The following GRIK3 variants were observed in gnomAD, a reference collection of about 807,000 sequenced individuals.
GRIK3 encodes glutamate ionotropic receptor kainate type subunit 3.
In GRIK3, 29 loss-of-function variants were observed where a neutral mutation model predicts 102.5. The observed-to-expected ratio is 0.28, with a 90% CI of 0.21 to 0.39. The LOEUF (loss-of-function observed/expected upper bound fraction) is 0.39, where lower values mean the gene tolerates loss of function less well. Among genes scored for constraint, GRIK3 ranks in the 10% least tolerant of loss-of-function variants. The probability of loss-of-function intolerance (pLI) is 1.00; values close to 1 mark genes in which losing one functional copy is unlikely to be tolerated. For missense variants in GRIK3, 908 were observed against 1,252.4 expected, an observed-to-expected ratio of 0.73 and a Z score of 4.15; for synonymous variants, 511 against 504.9, an observed-to-expected ratio of 1.01 and a Z score of -0.16.
intron 1 of GRIK3, among the ~76,000 whole-genome samples, chr1:36,895,187 T>C (rs1296804204): frequency 6.6e-6 from 1 of 152,130 alleles, no homozygotes; most frequent in Non-Finnish European, 1.5e-5. Context: ...GGCCTTATTT[T>C]CAGCAGTTAC....
At chr1:36,842,337 A>T (rs1238562411) in intron 9 of GRIK3, among the ~76,000 whole-genome samples, 3 of 152,288 alleles carry the variant, frequency 2.0e-5, no homozygotes, top group Non-Finnish European at 4.4e-5. Context: ...TTAGAAATGC[A>T]CATTCTCAGG....
chr1:36,810,823 T>C (rs1415855888), intron 13 of GRIK3, among the ~76,000 whole-genome samples: 2 of 152,254 alleles, frequency 1.3e-5, no homozygotes, highest in Non-Finnish European at 2.9e-5. Flanking sequence ...TTGGAGTCCA[T>C]GGCCTCTGCC....
chr1:36,997,631 G>C (rs1312206441), intron 1 of GRIK3, among the ~76,000 whole-genome samples: 1 of 152,204 alleles, frequency 6.6e-6, no homozygotes, highest in Non-Finnish European at 1.5e-5. Flanking sequence ...GCCAGCTTCT[G>C]GGGAAAGTGA....
chr1:37,033,973 C>A, intron 1 of GRIK3, 21 bp downstream of exon 1: 1 of 1,462,588 alleles, frequency 6.8e-7, no homozygotes, highest in Non-Finnish European at 9.4e-7. Flanking sequence ...ACGGAGACCC[C>A]CGGCTCCAGG....
chr1:36,999,407 G>A (rs922499973), intron 1 of GRIK3, among the ~76,000 whole-genome samples: 3 of 152,086 alleles, frequency 2.0e-5, no homozygotes, highest in Non-Finnish European at 4.4e-5. Flanking sequence ...TGAGCACCAG[G>A]GCAGGTAGAC....
intron 13 of GRIK3, among the ~76,000 whole-genome samples, chr1:36,816,388 A>G (rs987885449): frequency 1.3e-5 from 2 of 152,176 alleles, no homozygotes; most frequent in Non-Finnish European, 2.9e-5. Flanking sequence ...TCTGGTTCTC[A>G]GGGCCAGCCA....
At chr1:36,991,565 G>A (rs1027210972) in intron 1 of GRIK3, among the ~76,000 whole-genome samples, 2 of 152,196 alleles carry the variant, frequency 1.3e-5, no homozygotes, top group Admixed American at 6.5e-5. Context: ...GCTCGGGTGT[G>A]AAAAGCAACG....
intron 1 of GRIK3, among the ~76,000 whole-genome samples, chr1:37,018,397 G>C (rs968285057): frequency 4.6e-5 from 7 of 152,114 alleles, no homozygotes; most frequent in Non-Finnish European, 1.0e-4. Flanking sequence ...ATTCTACTGG[G>C]ACCTTTAACA....
In GRIK3 at chr1:36,798,765, C is replaced by T. The variant is rs901812648; in HGVS notation, c.*3086G>A. On this transcript the variant is annotated 3_prime_UTR_variant, in exon 16 of 16. Coordinates refer to ENST00000373091, the MANE Select transcript of GRIK3 (RefSeq NM_000831.4). ...CACCGACAACACCTGAACATCAGGACGCAAGGTTTGCCTGGGAGAGGAGAT... is the reference window on the plus strand; with the variant it reads ...CACCGACAACACCTGAACATCAGGATGCAAGGTTTGCCTGGGAGAGGAGAT... 5.3e-5 allele frequency: 8 copies of T among 152,350 alleles called. No individual in the cohort carries two copies. Among genetic ancestry groups the T allele is most frequent in the East Asian group, 1.9e-4 (1 of 5,188 alleles). The allele number at this position is 152,350 out of a possible 1,614,324, so 9.4% of individuals were successfully genotyped here.
At chr1:36,891,238 A>C (rs1255979427) in intron 1 of GRIK3, 142 bp from the exon 2 acceptor site, 1 of 603,828 alleles carries the variant, frequency 1.7e-6, no homozygotes, top group African/African-American at 1.8e-5. Context: ...CATACCTAGA[A>C]AGTGTGCAGG....
At chr1:36,835,675 AG>A (rs762159224) in intron 10 of GRIK3, among the ~76,000 whole-genome samples, 13 of 152,204 alleles carry the variant, frequency 8.5e-5, no homozygotes, top group Non-Finnish European at 1.6e-4. Flanking sequence ...CAATTGATGA[AG>A]GAAGGAATGA....
chr1:36,943,534 G>C (rs77070078), intron 1 of GRIK3, among the ~76,000 whole-genome samples: 2 of 152,314 alleles, frequency 1.3e-5, no homozygotes, highest in African/African-American at 4.8e-5. Context: ...GACCCTGAGA[G>C]CAATGTCTCC....
intron 10 of GRIK3, among the ~76,000 whole-genome samples, chr1:36,833,536 T>C (rs752151619): frequency 2.8e-4 from 42 of 152,326 alleles, no homozygotes; most frequent in South Asian, 4.1e-4. Flanking sequence ...GCTCCCAGCA[T>C]GTCCAGCTCC....
chr1:36,958,510 C>T (rs558039048), intron 1 of GRIK3, among the ~76,000 whole-genome samples: 1 of 148,636 alleles, frequency 6.7e-6, no homozygotes, highest in African/African-American at 2.5e-5. Flanking sequence ...CTCCATGAGT[C>T]TGTGCCCCAT....
intron 1 of GRIK3, among the ~76,000 whole-genome samples, chr1:36,979,065 G>A (rs1642222519): frequency 1.3e-5 from 2 of 152,248 alleles, no homozygotes; most frequent in Non-Finnish European, 2.9e-5. Flanking sequence ...ACCTTACAAT[G>A]TTGGAGCAGT....
intron 1 of GRIK3, among the ~76,000 whole-genome samples, chr1:36,892,449 G>A: frequency 6.7e-6 from 1 of 149,558 alleles, no homozygotes; most frequent in East Asian, 2.0e-4. Context: ...ACCAACTTGA[G>A]CAACATAGTG....
chr1:37,005,362 C>G (rs1453130004), intron 1 of GRIK3, among the ~76,000 whole-genome samples: 10 of 152,198 alleles, frequency 6.6e-5, no homozygotes, highest in Non-Finnish European at 1.2e-4. Context: ...CCCATCACAT[C>G]CACTGAAAGC....
At chr1:36,845,131 T>A (rs558849100) in intron 9 of GRIK3, among the ~76,000 whole-genome samples, 1 of 152,356 alleles carries the variant, frequency 6.6e-6, no homozygotes, top group South Asian at 2.1e-4. Flanking sequence ...CTTAGTAATG[T>A]GTCTCTAGAC....
intron 1 of GRIK3, among the ~76,000 whole-genome samples, chr1:36,950,005 C>T (rs1372173035): frequency 1.3e-5 from 2 of 152,212 alleles, no homozygotes; most frequent in African/African-American, 4.8e-5. Flanking sequence ...ATCCAGGCCA[C>T]CTGGCTCTAG....
Sources: gnomAD v4.1 joint callset for allele counts (sites outside exome capture counted in the v4.1 genomes callset) on GRCh38, gnomAD v4.1.1 for gene constraint, MANE v1.5 for transcripts, NCBI Gene and HGNC (gene_info 2026-07-23, HGNC 2026-07-21) for gene names.